The following RNF212 variants were observed in gnomAD, a reference collection of about 807,000 sequenced individuals.
RNF212 encodes the protein probable E3 SUMO-protein ligase RNF212.
Under a neutral mutation model 34.7 loss-of-function variants are expected in RNF212, and 33 were observed. The ratio of observed to expected loss-of-function variants is 0.95; its 90% confidence interval spans 0.72 to 1.27. The LOEUF (loss-of-function observed/expected upper bound fraction) is 1.27. Among genes scored for constraint, RNF212 ranks in the 50% most tolerant of loss-of-function variants. The probability of loss-of-function intolerance (pLI) is 0.00; values close to 1 mark genes in which losing one functional copy is unlikely to be tolerated. For missense variants in RNF212, 377 were observed against 362.2 expected (o/e 1.04, Z -0.33); for synonymous variants, 140 against 136.1 (o/e 1.03, Z -0.20).
intron 4 of RNF212, chr4:1,056,976 C>T: frequency 1.0e-6 from 1 of 987,868 alleles, no homozygotes; most frequent in South Asian, 4.7e-5. Flanking sequence ...AGTGGGGGTC[C>T]CTTGTAGGGA....
chr4:1,107,428 T>C (rs1383660), intron 2 of RNF212: 123,595 of 151,740 alleles, frequency 0.81, 51,972 homozygotes, highest in East Asian at 1. Flanking sequence ...GTCACTGTCA[T>C]CTCTGGGAAA....
At chr4:1,056,757 G>T in intron 4 of RNF212, 3 of 790,750 alleles carry the variant, frequency 3.8e-6, no homozygotes, top group South Asian at 5.7e-5. Flanking sequence ...GGCTGCCCTT[G>T]GCACACACTC....
chr4:1,070,222 G>A (rs1471992741), downstream of RNF212, among the ~76,000 whole-genome samples: 27 of 108,370 alleles, frequency 2.5e-4, no homozygotes, highest in Middle Eastern at 8.9e-3. Context: ...GTCAGCGTGG[G>A]TGCCTGGCCT....
chr4:1,059,487 C>T (rs1717596923), intron 3 of RNF212, among the ~76,000 whole-genome samples: 1 of 152,206 alleles, frequency 6.6e-6, no homozygotes, highest in South Asian at 2.1e-4. Flanking sequence ...GAGCACACTT[C>T]TGATATGAAA....
chr4:1,089,026 G>A (rs1025890068), intron 4 of RNF212, among the ~76,000 whole-genome samples: 1 of 152,256 alleles, frequency 6.6e-6, no homozygotes, highest in Non-Finnish European at 1.5e-5. Context: ...ATGTGCGGTG[G>A]TTGTTCCCAC....
chr4:1,099,405 GGGGAAAT>G, intron 2 of RNF212, among the ~76,000 whole-genome samples: 1 of 152,162 alleles, frequency 6.6e-6, no homozygotes, highest in East Asian at 1.9e-4. Context: ...CAGGGAAGAG[GGGGAAAT>G]GGGGGAAAAT....
chr4:1,058,454 G>A (rs1029092702), intron 3 of RNF212: 10 of 749,798 alleles, frequency 1.3e-5, no homozygotes, highest in African/African-American at 1.9e-5. Context: ...GTGCTTTGAG[G>A]ACGACGACCA....
At chr4:1,096,949 G>C (rs925050761) in intron 2 of RNF212, 110 bp from the exon 3 acceptor site, 1 of 820,600 alleles carries the variant, frequency 1.2e-6, no homozygotes, top group Non-Finnish European at 2.1e-6. Flanking sequence ...GACTCAAGTG[G>C]CCAGCACATT....
At chr4:1,090,983 T>C (rs1048847916) in intron 3 of RNF212, 145 bp from the exon 4 acceptor site, 11 of 604,726 alleles carry the variant, frequency 1.8e-5, no homozygotes, top group East Asian at 5.7e-5. Flanking sequence ...CAGACGCCCA[T>C]GGCCAGTGCT....
intron 8 of RNF212, among the ~76,000 whole-genome samples, chr4:1,076,779 CTA>C (rs1279023362): frequency 6.6e-6 from 1 of 152,218 alleles, no homozygotes; most frequent in Admixed American, 6.5e-5. Flanking sequence ...GGTTGGCAAA[CTA>C]TGGCCTGCAG....
intron 3 of RNF212, among the ~76,000 whole-genome samples, chr4:1,059,302 C>A (rs1440928074): frequency 6.6e-6 from 1 of 152,226 alleles, no homozygotes; most frequent in African/African-American, 2.4e-5. Context: ...CTGCAGGTGA[C>A]CCTGAGAAGG....
chr4:1,076,172 T>C (rs1719265431), intron 8 of RNF212, among the ~76,000 whole-genome samples: 1 of 152,198 alleles, frequency 6.6e-6, no homozygotes. Context: ...AGGCAGACTC[T>C]CCCTTGCCTT....
chr4:1,097,274 A>G (rs651017), intron 2 of RNF212, among the ~76,000 whole-genome samples: 115,756 of 152,070 alleles, frequency 0.76, 44,307 homozygotes, highest in Non-Finnish European at 0.78. Context: ...TAAAAAGCAA[A>G]TGTAAGGACC....
intron 3 of RNF212, among the ~76,000 whole-genome samples, chr4:1,064,517 A>G (rs893313488): frequency 3.9e-5 from 6 of 152,190 alleles, no homozygotes; most frequent in African/African-American, 1.2e-4. Flanking sequence ...AAGTCCATCA[A>G]GATGCTGGCT....
intron 3 of RNF212, among the ~76,000 whole-genome samples, 158 bp from the exon 4 acceptor site, chr4:1,090,996 C>A (rs1362686802): frequency 8.5e-5 from 13 of 152,204 alleles, no homozygotes; most frequent in Admixed American, 8.5e-4. Flanking sequence ...CCAGTGCTTG[C>A]ACAGGCAGGG....
intron 3 of RNF212, among the ~76,000 whole-genome samples, chr4:1,095,390 C>T (rs543520492): frequency 3.3e-5 from 1 of 29,972 alleles, no homozygotes; most frequent in Non-Finnish European, 7.5e-5. Context: ...GAACCAAGCA[C>T]AACTCCCACA....
chr4:1,104,047 AT>A (rs1162375996), intron 2 of RNF212, among the ~76,000 whole-genome samples: 1 of 152,270 alleles, frequency 6.6e-6, no homozygotes, highest in Non-Finnish European at 1.5e-5. Flanking sequence ...AGTTAAGAAA[AT>A]CCATTGCATT....
At chr4:1,076,562 C>T (rs1404891608) in intron 8 of RNF212, among the ~76,000 whole-genome samples, 1 of 152,228 alleles carries the variant, frequency 6.6e-6, no homozygotes, top group Non-Finnish European at 1.5e-5. Flanking sequence ...TCTGCACAGG[C>T]AACAGGTGGT....
intron 4 of RNF212, among the ~76,000 whole-genome samples, chr4:1,086,615 T>TGA (rs1721214928): frequency 2.7e-4 from 1 of 3,768 alleles, no homozygotes; most frequent in Non-Finnish European, 5.2e-4. Context: ...GGGGTGGGGG[T>TGA]GAGGAAGGGG....
Sources: allele counts gnomAD v4.1 joint callset (sites outside exome capture counted in the v4.1 genomes callset), GRCh38; gene constraint gnomAD v4.1.1; transcripts MANE v1.5; gene names NCBI Gene and HGNC (gene_info 2026-07-23, HGNC 2026-07-21).